The following NRG3 variants were observed in gnomAD, a reference collection of about 807,000 sequenced individuals.
The protein encoded by NRG3 is neuregulin 3.
Under a neutral mutation model 66.9 loss-of-function variants are expected in NRG3, and 31 were observed. The ratio of observed to expected loss-of-function variants is 0.46; its 90% CI spans 0.35 to 0.63. NRG3 has a LOEUF of 0.63. Ranked by LOEUF, NRG3 falls within the 20% of genes least tolerant of loss-of-function variation. The probability of loss-of-function intolerance (pLI) is 0.00; values close to 1 mark genes in which losing one functional copy is unlikely to be tolerated. For synonymous variants in NRG3, 393 were observed against 359.4 expected (o/e 1.09, Z -1.06); for missense variants, 910 against 878.9 (o/e 1.04, Z -0.45).
intron 1 of NRG3, among the ~76,000 whole-genome samples, chr10:82,198,364 G>T (rs555547961): frequency 6.6e-6 from 1 of 152,196 alleles, no homozygotes; most frequent in South Asian, 2.1e-4. Context: ...AATAAAAGAT[G>T]GTTTAAAACA....
intron 4 of NRG3, among the ~76,000 whole-genome samples, chr10:82,924,086 CAAAAAA>C (rs3075657): frequency 1.3e-3 from 93 of 69,296 alleles, no homozygotes; most frequent in African/African-American, 4.6e-3. Flanking sequence ...GAGACTGTCT[CAAAAAA>C]AAAAAAAAAA....
chr10:82,960,273 T>C (rs1850499341), intron 6 of NRG3, among the ~76,000 whole-genome samples: 1 of 152,228 alleles, frequency 6.6e-6, no homozygotes, highest in South Asian at 2.1e-4. Context: ...GGTTTTGCTA[T>C]TGATTTCTAA....
chr10:82,255,074 C>A (rs1467891398), intron 1 of NRG3, among the ~76,000 whole-genome samples: 3 of 152,158 alleles, frequency 2.0e-5, no homozygotes, highest in Non-Finnish European at 4.4e-5. Flanking sequence ...TCAATACTCA[C>A]AATCATAAGT....
At chr10:82,545,878 C>T (rs911556347) in intron 2 of NRG3, among the ~76,000 whole-genome samples, 4 of 150,076 alleles carry the variant, frequency 2.7e-5, no homozygotes, top group African/African-American at 9.8e-5. Context: ...AGCTCCTCCT[C>T]CCGGGTTCAC....
intron 3 of NRG3, among the ~76,000 whole-genome samples, chr10:82,806,260 A>G (rs1050446266): frequency 3.2e-4 from 48 of 152,214 alleles, no homozygotes; most frequent in African/African-American, 1.1e-3. Flanking sequence ...AATATGACTT[A>G]TAGGTCTTTT....
At chr10:82,805,933 A>C (rs534447891) in intron 3 of NRG3, among the ~76,000 whole-genome samples, 16 of 152,304 alleles carry the variant, frequency 1.1e-4, no homozygotes, top group African/African-American at 3.4e-4. Flanking sequence ...CTATTGCTAA[A>C]AATCTTTATT....
chr10:82,547,540 CACAT>C (rs891588134), intron 2 of NRG3, among the ~76,000 whole-genome samples: 74 of 150,750 alleles, frequency 4.9e-4, no homozygotes, highest in African/African-American at 1.8e-3. Context: ...TGTATAGACA[CACAT>C]ATACATGCAT....
At chr10:82,358,463 G>T (rs1488147426) in intron 1 of NRG3, among the ~76,000 whole-genome samples, 1 of 152,138 alleles carries the variant, frequency 6.6e-6, no homozygotes, top group African/African-American at 2.4e-5. Flanking sequence ...TTTGACTTAG[G>T]ATCATTCAGC....
rs193031976 is a variant in NRG3 at position 82,451,168 on chromosome 10, G to A, written c.953+92300G>A. 5.2e-4 allele frequency among the ~76,000 whole-genome samples: 79 copies of A among 152,208 alleles called. No individual in the cohort carries two copies. The Middle Eastern group carries it at 0.01, about 20-fold the overall frequency. On this transcript the variant is annotated intron_variant, in intron 2 of 8. Transcript: ENST00000372141. ...CCTCAAGACAACTCTAGAGGAAGATGAAATTATTTTTCCCATTTTATAATT... is the reference window on the plus strand; with the variant it reads ...CCTCAAGACAACTCTAGAGGAAGATAAAATTATTTTTCCCATTTTATAATT...
intron 1 of NRG3, among the ~76,000 whole-genome samples, chr10:82,145,692 C>A (rs1400871224): frequency 3.3e-5 from 5 of 152,092 alleles, no homozygotes; most frequent in Admixed American, 3.3e-4. Flanking sequence ...GTACAATAAC[C>A]AACTGTAGCT....
rs551640075 is a variant in NRG3, at chr10:82,564,761, GA to G, written c.954-173807del. ...CATCTCATAGCTCTTACTGTTAAAA[GA>G]AAAAAAAATATGGCAATTATTTCTT... On this transcript the variant is annotated intron_variant, in intron 2 of 8. Coordinates refer to ENST00000372141, the MANE Select transcript of NRG3 (RefSeq NM_001010848.4). 4.9e-3 allele frequency among the ~76,000 whole-genome samples: 736 copies of G among 150,832 alleles called. 2 individuals carry two copies. The highest frequency in any genetic ancestry group is 7.8e-3 in the Non-Finnish European group (531 of 67,660).
At chr10:82,598,436 G>T (rs563017300) in intron 2 of NRG3, among the ~76,000 whole-genome samples, 4 of 152,268 alleles carry the variant, frequency 2.6e-5, no homozygotes, top group Admixed American at 6.5e-5. Flanking sequence ...TTGTGCCTGT[G>T]GAATTGAACA....
chr10:81,994,754 T>C (rs1377314049), intron 1 of NRG3, among the ~76,000 whole-genome samples: 1 of 152,106 alleles, frequency 6.6e-6, no homozygotes. Context: ...GAAGTCAAAT[T>C]TGAAGCAAGT....
At chr10:82,712,002 C>T (rs2056698949) in intron 2 of NRG3, among the ~76,000 whole-genome samples, 1 of 152,122 alleles carries the variant, frequency 6.6e-6, no homozygotes, top group African/African-American at 2.4e-5. Flanking sequence ...AAATGATATG[C>T]CTCCATATTT....
intron 1 of NRG3, among the ~76,000 whole-genome samples, chr10:82,358,249 T>A (rs2083902702): frequency 6.6e-6 from 1 of 151,458 alleles, no homozygotes; most frequent in African/African-American, 2.4e-5. Context: ...AGTGAAAGAA[T>A]AATTGGCTTA....
chr10:82,172,037 G>A (rs543153072), intron 1 of NRG3, among the ~76,000 whole-genome samples: 43 of 152,232 alleles, frequency 2.8e-4, no homozygotes, highest in Non-Finnish European at 5.4e-4. Context: ...TCTGTTCTGT[G>A]TTTGGGGTTG....
intron 3 of NRG3, among the ~76,000 whole-genome samples, chr10:82,831,925 T>C (rs910655556): frequency 6.6e-6 from 1 of 152,070 alleles, no homozygotes; most frequent in Non-Finnish European, 1.5e-5. Flanking sequence ...CCTACCTCCC[T>C]GGGATAAGAT....
chr10:81,915,484 C>G (rs1845595023), intron 1 of NRG3, among the ~76,000 whole-genome samples: 2 of 99,316 alleles, frequency 2.0e-5, no homozygotes, highest in East Asian at 1.3e-3. Context: ...AAAGTCAGCT[C>G]ACACTTCTTT....
At chr10:81,973,075 C>T (rs1032524413) in intron 1 of NRG3, among the ~76,000 whole-genome samples, 13 of 152,096 alleles carry the variant, frequency 8.5e-5, no homozygotes, top group African/African-American at 3.1e-4. Flanking sequence ...CTCCTCCCAC[C>T]CTTCACCCCT....
Sources: gnomAD v4.1 joint callset for allele counts (sites outside exome capture counted in the v4.1 genomes callset) on GRCh38, gnomAD v4.1.1 for gene constraint, MANE v1.5 for transcripts, NCBI Gene and HGNC (gene_info 2026-07-23, HGNC 2026-07-21) for gene names.